Variants in RAB38 observed in about 807,000 individuals in gnomAD.
RAB38 encodes the protein RAB38, member RAS oncogene family, also known as ras-related protein Rab-38.
In RAB38, 15 loss-of-function variants were observed where a neutral mutation model predicts 18.4. The observed-to-expected ratio is 0.82, with a 90% CI of 0.55 to 1.26. The LOEUF (loss-of-function observed/expected upper bound fraction) is 1.26. RAB38 is among the 50% of genes most tolerant of loss of function. The probability of loss-of-function intolerance (pLI) is 0.00; values close to 1 mark genes in which losing one functional copy is unlikely to be tolerated. For missense variants in RAB38, 294 were observed against 267.4 expected, an observed-to-expected ratio of 1.10 and a Z score of -0.69; for synonymous variants, 101 against 104.4, an observed-to-expected ratio of 0.97 and a Z score of 0.20.
chr11:88,027,440 C>T, the RAB38 span, among the ~76,000 whole-genome samples: 1 of 152,134 alleles, frequency 6.6e-6, no homozygotes, highest in African/African-American at 2.4e-5. Context: ...CTGGGAAGCA[C>T]AAGGGGTCAG....
the RAB38 span, among the ~76,000 whole-genome samples, chr11:88,097,130 T>C: frequency 6.6e-6 from 1 of 151,882 alleles, no homozygotes; most frequent in Non-Finnish European, 1.5e-5. Flanking sequence ...AGGCCTTGTT[T>C]TGCACATAGA....
the RAB38 span, among the ~76,000 whole-genome samples, chr11:87,820,302 C>T: frequency 1.3e-5 from 2 of 152,118 alleles, no homozygotes; most frequent in African/African-American, 2.4e-5. Context: ...ACTAGGTCCT[C>T]GGGAGTGTAA....
At chr11:87,865,382 G>A in the RAB38 span, among the ~76,000 whole-genome samples, 1 of 151,648 alleles carries the variant, frequency 6.6e-6, no homozygotes, top group Non-Finnish European at 1.5e-5. Context: ...AATAAACAAA[G>A]GTCATAGAGG....
the RAB38 span, among the ~76,000 whole-genome samples, chr11:88,049,883 G>A: frequency 6.6e-6 from 1 of 152,190 alleles, no homozygotes; most frequent in Non-Finnish European, 1.5e-5. Context: ...CAAAGGTCCA[G>A]AGACCACAAA....
chr11:87,966,177 C>T, the RAB38 span, among the ~76,000 whole-genome samples: 35,142 of 151,892 alleles, frequency 0.23, 4,934 homozygotes, highest in East Asian at 0.5. Context: ...CTCAACCAGA[C>T]GATAGTAGCC....
the RAB38 span, among the ~76,000 whole-genome samples, chr11:88,106,179 TCA>T: frequency 0.27 from 41,683 of 151,642 alleles, 6,136 homozygotes; most frequent in African/African-American, 0.35. Context: ...GCAACAGCTA[TCA>T]CAGAGAGAAA....
At chr11:87,852,383 T>A in the RAB38 span, among the ~76,000 whole-genome samples, 1 of 152,200 alleles carries the variant, frequency 6.6e-6, no homozygotes, top group South Asian at 2.1e-4. Flanking sequence ...AGTCATTTCA[T>A]TGTTCTTCCC....
At chr11:88,097,615 C>G in the RAB38 span, among the ~76,000 whole-genome samples, 1 of 151,766 alleles carries the variant, frequency 6.6e-6, no homozygotes, top group Non-Finnish European at 1.5e-5. Context: ...GTTGAGGACA[C>G]CAGGACCAAA....
chr11:88,144,816 CT>C (rs1488672278), intron 2 of RAB38, among the ~76,000 whole-genome samples: 1 of 151,922 alleles, frequency 6.6e-6, no homozygotes, highest in East Asian at 2.0e-4. Context: ...ACTGGAGGTT[CT>C]TTCTGTGAGT....
At chr11:87,845,514 T>G in the RAB38 span, among the ~76,000 whole-genome samples, 1 of 151,808 alleles carries the variant, frequency 6.6e-6, no homozygotes, top group African/African-American at 2.4e-5. Flanking sequence ...ACAGGAGAGA[T>G]ATAAAAAATG....
chr11:88,068,095 G>A, the RAB38 span, among the ~76,000 whole-genome samples: 10 of 151,092 alleles, frequency 6.6e-5, no homozygotes, highest in African/African-American at 1.7e-4. Context: ...AACACTCCTC[G>A]AAAAGACCTA....
the RAB38 span, among the ~76,000 whole-genome samples, chr11:87,953,358 C>T: frequency 7.4e-4 from 112 of 152,230 alleles, 4 homozygotes; most frequent in South Asian, 0.023. Context: ...TTCTTTCCAG[C>T]TTTTTAGTCA....
the RAB38 span, among the ~76,000 whole-genome samples, chr11:87,945,932 C>T: frequency 6.6e-6 from 1 of 152,100 alleles, no homozygotes; most frequent in Non-Finnish European, 1.5e-5. Flanking sequence ...TTTATTATTT[C>T]TAATTTTCAC....
chr11:87,886,599 G>T, the RAB38 span, among the ~76,000 whole-genome samples: 1 of 151,878 alleles, frequency 6.6e-6, no homozygotes, highest in Non-Finnish European at 1.5e-5. Context: ...TCTACCCGTG[G>T]CTATCAAGGT....
chr11:88,170,113 C>T (rs150300711), intron 1 of RAB38, among the ~76,000 whole-genome samples: 10 of 152,308 alleles, frequency 6.6e-5, no homozygotes, highest in East Asian at 5.8e-4. Flanking sequence ...CCAGATGACA[C>T]GACATGTCCT....
the RAB38 span, among the ~76,000 whole-genome samples, chr11:88,084,925 C>A: frequency 1.3e-5 from 2 of 151,840 alleles, no homozygotes; most frequent in East Asian, 3.9e-4. Context: ...ATATTTTGAT[C>A]CCATTTTATA....
the RAB38 span, among the ~76,000 whole-genome samples, chr11:88,038,509 A>T: frequency 6.6e-6 from 1 of 152,140 alleles, no homozygotes; most frequent in African/African-American, 2.4e-5. Flanking sequence ...TTCCAACTAG[A>T]CTGAGTTCTT....
intron 2 of RAB38, among the ~76,000 whole-genome samples, chr11:88,139,898 C>G (rs35558504): frequency 0.14 from 20,729 of 152,206 alleles, 1,513 homozygotes; most frequent in Middle Eastern, 0.22. Flanking sequence ...AATTCTGTTT[C>G]TTTCTTAGTA....
chr11:88,074,598 A>G, the RAB38 span, among the ~76,000 whole-genome samples: 2 of 152,192 alleles, frequency 1.3e-5, no homozygotes, highest in Non-Finnish European at 2.9e-5. Context: ...ACTACCAGAG[A>G]AAATCACTTG....
Sources: gnomAD v4.1 joint callset for allele counts (sites outside exome capture counted in the v4.1 genomes callset) on GRCh38, gnomAD v4.1.1 for gene constraint, MANE v1.5 for transcripts, NCBI Gene and HGNC (gene_info 2026-07-23, HGNC 2026-07-21) for gene names.